The following EMC1 variants were observed in gnomAD, a reference collection of about 807,000 sequenced individuals.
EMC1 encodes the protein KIAA0090.
A neutral mutation model predicts 128.8 loss-of-function variants in EMC1; 103 were observed. That is an observed-to-expected ratio of 0.80 (90% CI 0.68 to 0.94). EMC1 has a LOEUF of 0.94. Ranked by LOEUF, EMC1 falls within the 40% of genes least tolerant of loss-of-function variation. EMC1 has a pLI of 0.00. For missense variants in EMC1, 1,083 were observed against 1,250.6 expected (o/e 0.87, Z 2.02); for synonymous variants, 442 against 490.4 (o/e 0.90, Z 1.30).
chr1:19,233,835 C>T (rs1261488652), intron 13 of EMC1, among the ~76,000 whole-genome samples: 1 of 152,192 alleles, frequency 6.6e-6, no homozygotes, highest in Non-Finnish European at 1.5e-5. Context: ...TGTACTTCAC[C>T]TTTTTGCTTC....
chr1:19,225,818 CAAAA>C (rs34138339), intron 18 of EMC1, among the ~76,000 whole-genome samples: 1 of 110,764 alleles, frequency 9.0e-6, no homozygotes, highest in African/African-American at 3.3e-5. Context: ...GACCCTGTCT[CAAAA>C]AAAAAAAAAA....
chr1:19,237,369 T>C (rs2093573300), intron 11 of EMC1, 131 bp from the exon 12 acceptor site: 2 of 724,174 alleles, frequency 2.8e-6, no homozygotes, highest in Non-Finnish European at 5.0e-6. Flanking sequence ...CTAAACAATG[T>C]AGCTATTATC....
chr1:19,237,271 T>C, intron 11 of EMC1, 33 bp from the exon 12 acceptor site: 1 of 1,533,258 alleles, frequency 6.5e-7, no homozygotes, highest in Non-Finnish European at 9.0e-7. Context: ...GTGTAGTCAG[T>C]GAGGATCCAA....
chr1:19,249,530 A>G (rs1041563789), intron 1 of EMC1, among the ~76,000 whole-genome samples: 1 of 152,206 alleles, frequency 6.6e-6, no homozygotes, highest in Non-Finnish European at 1.5e-5. Context: ...ATCTAGATTT[A>G]CATAAGTACA....
chr1:19,228,959 G>A (rs187343635), intron 17 of EMC1, among the ~76,000 whole-genome samples: 10 of 152,244 alleles, frequency 6.6e-5, no homozygotes, highest in Admixed American at 3.3e-4. Context: ...CAGGAGAATC[G>A]CTTGAAACCA....
chr1:19,250,472 G>A (rs576855408), intron 1 of EMC1, among the ~76,000 whole-genome samples: 18 of 152,156 alleles, frequency 1.2e-4, no homozygotes, highest in African/African-American at 4.3e-4. Flanking sequence ...GAACAGTTGT[G>A]CACATCATTA....
At chr1:19,236,483 C>G (rs1247860915) in intron 12 of EMC1, among the ~76,000 whole-genome samples, 2 of 148,406 alleles carry the variant, frequency 1.3e-5, no homozygotes, top group African/African-American at 5.0e-5. Context: ...ATGGTGAAAC[C>G]CCATCTCTAC....
chr1:19,222,194 TCA>T (rs2093436442), intron 20 of EMC1, among the ~76,000 whole-genome samples: 1 of 151,950 alleles, frequency 6.6e-6, no homozygotes, highest in African/African-American at 2.4e-5. Flanking sequence ...GCACGATGGC[TCA>T]CACCTGTAAT....
chr1:19,230,988 G>A (rs761568283), intron 16 of EMC1, 25 bp from the exon 17 acceptor site: 33 of 1,612,254 alleles, frequency 2.0e-5, no homozygotes, highest in Non-Finnish European at 3.4e-6. Context: ...AGAGCCCAAG[G>A]AAAGAGTTAG....
intron 12 of EMC1, 34 bp from the exon 13 acceptor site, chr1:19,235,286 G>A (rs1204840607): frequency 1.9e-6 from 3 of 1,597,992 alleles, no homozygotes; most frequent in Non-Finnish European, 2.6e-6. Flanking sequence ...CTAAGCCTGG[G>A]GCTGGGCACA....
At chr1:19,240,149 T>G in intron 7 of EMC1, 148 bp downstream of exon 7, 1 of 1,216,696 alleles carries the variant, frequency 8.2e-7, no homozygotes, top group Non-Finnish European at 1.1e-6. Context: ...GTGACTGATT[T>G]CCTCTTACAC....
chr1:19,220,958 G>A, intron 20 of EMC1, 110 bp from the exon 21 acceptor site: 1 of 698,292 alleles, frequency 1.4e-6, no homozygotes, highest in Non-Finnish European at 2.4e-6. Context: ...AAAAAAATGG[G>A]TCAATGAGGC....
Position 19,239,631 on chromosome 1 carries a change from A to G in EMC1, c.954+187T>C, listed in dbSNP as rs189953786. The G allele has an allele frequency of 2.5e-4, 151 of 615,284 alleles. No individual in the cohort carries two copies. The East Asian group carries it at 3.4e-3, about 14-fold the overall frequency. 38.1% of individuals were successfully genotyped at this position (615,284 alleles called of 1,614,324 possible). A position where few individuals can be genotyped will look rare whatever the true frequency, so the allele number is the denominator to read the frequency against. On this transcript the variant is annotated intron_variant, in intron 8 of 22. Coordinates refer to ENST00000477853, the MANE Select transcript of EMC1 (RefSeq NM_015047.3). ...TAGTTTTGCTCTAAAGATCCTTTGT[A>G]ATACTCAGGAGGAAATACACCATTT...
chr1:19,242,701 A>C (rs1194368832), intron 4 of EMC1, among the ~76,000 whole-genome samples: 1 of 152,134 alleles, frequency 6.6e-6, no homozygotes, highest in Non-Finnish European at 1.5e-5. Context: ...TGTATCTCCT[A>C]AGGGCTGTTC....
chr1:19,232,211 G>A (rs772161151), intron 15 of EMC1, among the ~76,000 whole-genome samples: 4 of 152,180 alleles, frequency 2.6e-5, no homozygotes, highest in Non-Finnish European at 4.4e-5. Flanking sequence ...GCAGTGAGCC[G>A]AGATCGCACC....
chr1:19,230,321 A>C (rs2093510270), intron 17 of EMC1, among the ~76,000 whole-genome samples: 1 of 152,270 alleles, frequency 6.6e-6, no homozygotes, highest in African/African-American at 2.4e-5. Context: ...CTGTAATCCC[A>C]GCACTTTGGG....
intron 1 of EMC1, among the ~76,000 whole-genome samples, chr1:19,248,551 C>G (rs2093642159): frequency 6.6e-6 from 1 of 152,236 alleles, no homozygotes; most frequent in South Asian, 2.1e-4. Context: ...TCCCAAGTAG[C>G]TGGGACTACA....
intron 14 of EMC1, 76 bp downstream of exon 14, chr1:19,232,860 C>T (rs2093534391): frequency 5.6e-6 from 9 of 1,600,900 alleles, no homozygotes; most frequent in Non-Finnish European, 7.7e-6. Flanking sequence ...CCAGTGTTAT[C>T]CCTCACTGAA....
At chr1:19,223,015 A>T (rs1280075499) in intron 19 of EMC1, 181 bp from the exon 20 acceptor site, 10 of 582,452 alleles carry the variant, frequency 1.7e-5, no homozygotes, top group Non-Finnish European at 3.0e-5. Flanking sequence ...TATCTAGGCT[A>T]TCGAAAGTTC....
Sources: gnomAD v4.1 joint callset for allele counts (sites outside exome capture counted in the v4.1 genomes callset) on GRCh38, gnomAD v4.1.1 for gene constraint, MANE v1.5 for transcripts, NCBI Gene and HGNC (gene_info 2026-07-23, HGNC 2026-07-21) for gene names.